PDK1: variants seen among roughly 807,000 people sequenced by gnomAD.
PDK1 encodes the protein pyruvate dehydrogenase kinase 1, also known as [Pyruvate dehydrogenase (acetyl-transferring)] kinase isozyme 1, mitochondrial.
Under a neutral mutation model 54.2 loss-of-function variants are expected in PDK1, and 39 were observed. The ratio of observed to expected loss-of-function variants is 0.72; its 90% CI spans 0.56 to 0.94. The LOEUF is 0.94. Among genes scored for constraint, PDK1 ranks in the 40% least tolerant of loss-of-function variants. The pLI, the probability that PDK1 is intolerant of heterozygous loss-of-function variation, is 0.00. For synonymous variants in PDK1, 221 were observed against 207.1 expected (o/e 1.07, Z -0.58); for missense variants, 552 against 566.0 (o/e 0.98, Z 0.25).
At position 172,556,157 on chromosome 2, in the gene PDK1, C is replaced by A; in HGVS notation, c.7C>A (p.Leu3Met). 7.1e-7 allele frequency: 1 copy of A among 1,414,180 alleles called. No homozygotes were observed. Among genetic ancestry groups the A allele is most frequent in the South Asian group, 1.5e-5 (1 of 67,302 alleles). 87.6% of individuals were successfully genotyped at this position (1,414,180 alleles called of 1,614,324 possible). The change falls in exon 1 of 11, where the codon CTG becomes ATG. Residue 3 changes from leucine (L) to methionine (M), a missense_variant. Coordinates refer to ENST00000282077, the MANE Select transcript of PDK1 (RefSeq NM_002610.5). ...TTCTCTAGCGGGACTCGGCATGAGG[C>A]TGGCGCGGCTGCTTCGCGGAGCCGC... Reference protein sequence around the residue: MRLARLLRGAALA... With the variant: MRMARLLRGAALA...
the PDK1 span, among the ~76,000 whole-genome samples, chr2:172,642,811 T>C: frequency 0.083 from 5,526 of 66,536 alleles, 199 homozygotes; most frequent in African/African-American, 0.17. Context: ...TCCTCCTCCT[T>C]CTTCTTCTCT....
the PDK1 span, among the ~76,000 whole-genome samples, chr2:172,708,221 A>G: frequency 1.3e-5 from 2 of 152,006 alleles, no homozygotes; most frequent in Admixed American, 6.6e-5. Context: ...CCTGGGTGGT[A>G]GAGGCTGCAA....
chr2:172,568,776 G>C lies in PDK1; in HGVS notation c.805G>C (p.Val269Leu). ...AGGACAGCCAATACAAGTGGTTTAT[G>C]TACCATCCCATCTCTATCACATGGT... ...SPGQPIQVVYVPSHLYHMVFE... is the reference protein window; with the variant it reads ...SPGQPIQVVYLPSHLYHMVFE... Residue 269 changes from valine (V) to leucine (L), a missense_variant, in exon 7 of 11, where the codon GTA becomes CTA. Val to Leu is a conservative substitution (Grantham distance 32, BLOSUM62 1). Transcript: ENST00000282077. 1.2e-6 allele frequency: 2 copies of C among 1,610,226 alleles called. No individual in the cohort carries two copies. Among genetic ancestry groups the C allele is most frequent in the Non-Finnish European group, 1.7e-6 (2 of 1,176,474 alleles).
the PDK1 span, among the ~76,000 whole-genome samples, chr2:172,643,511 C>T: frequency 1.3e-5 from 2 of 152,190 alleles, no homozygotes; most frequent in African/African-American, 2.4e-5. Flanking sequence ...CCTGGAATCT[C>T]CTGCCCAAAT....
chr2:172,657,554 C>T, the PDK1 span, among the ~76,000 whole-genome samples: 1 of 151,750 alleles, frequency 6.6e-6, no homozygotes, highest in African/African-American at 2.4e-5. Context: ...AGATTTCTTC[C>T]AATTACTGAA....
rs1199133182 is a variant in PDK1, at chr2:172,568,804, T to C, written c.833T>C (p.Phe278Ser). 1.3e-6 allele frequency: 2 copies of C among 1,595,954 alleles called. No homozygotes were observed. Residue 278 changes from phenylalanine (F) to serine (S), a missense_variant, in exon 7 of 11, where the codon TTT (phenylalanine) becomes TCT (serine). Transcript: ENST00000282077. ...YVPSHLYHMV[F>S]ELFKNAMRAT... Reference sequence around the variant, plus strand: ...CCATCCCATCTCTATCACATGGTGTTTGAACTTTTCAAGGTTTGTAAAATA... The same window carrying C: ...CCATCCCATCTCTATCACATGGTGTCTGAACTTTTCAAGGTTTGTAAAATA...
chr2:172,573,398 G>C (rs1401662859), intron 8 of PDK1, among the ~76,000 whole-genome samples: 1 of 151,930 alleles, frequency 6.6e-6, no homozygotes, highest in African/African-American at 2.4e-5. Flanking sequence ...AAGAAATGTA[G>C]ATTAAGATCC....
chr2:172,598,186 CTAAG>C lies in PDK1; in HGVS notation c.*2220_*2223del, dbSNP rs1690987675. On this transcript the variant is annotated 3_prime_UTR_variant, in exon 11 of 11. Coordinates refer to ENST00000282077, the MANE Select transcript of PDK1 (RefSeq NM_002610.5). ...TGAAATGTTTTAGAATCCTTTGAAT[CTAAG>C]TATTTGTTTCCTAAATGAAACATTT... 6.6e-6 allele frequency: 1 copy of C among 152,112 alleles called. No homozygotes were observed. The allele number at this position is 152,112 out of a possible 1,614,324, so 9.4% of individuals were successfully genotyped here.
rs1038550844 is a variant in PDK1 at position 172,586,357 on chromosome 2, C to T, written c.1025C>T (p.Pro342Leu). The T allele has an allele frequency of 6.2e-6, 10 of 1,611,850 alleles. No homozygotes were observed. The highest frequency in any genetic ancestry group is 8.5e-6 in the Non-Finnish European group (10 of 1,178,284). ...FNYMYSTAPR[P>L]RVETSRAVPL... Reference sequence around the variant, plus strand: ...TACATGTATTCAACTGCACCAAGACCTCGTGTTGAGACCTCCCGCGCAGTG... The same window carrying T: ...TACATGTATTCAACTGCACCAAGACTTCGTGTTGAGACCTCCCGCGCAGTG... Residue 342 changes from proline (P) to leucine (L), a missense_variant, in exon 9 of 11, where the codon CCT (proline) becomes CTT (leucine). Coordinates refer to ENST00000282077, the MANE Select transcript of PDK1 (RefSeq NM_002610.5).
At chr2:172,620,646 TTATGAA>T in the PDK1 span, among the ~76,000 whole-genome samples, 1 of 152,186 alleles carries the variant, frequency 6.6e-6, no homozygotes, top group East Asian at 1.9e-4. Flanking sequence ...GCTGGATTTC[TTATGAA>T]TAGTGTAACA....
the PDK1 span, among the ~76,000 whole-genome samples, chr2:172,642,459 TAAC>T: frequency 1.3e-5 from 2 of 152,166 alleles, no homozygotes; most frequent in Non-Finnish European, 2.9e-5. Flanking sequence ...GTCCCCAGAC[TAAC>T]AACATCGGCA....
At chr2:172,660,245 C>CTTTTTTTTTTTTTTTTT in the PDK1 span, among the ~76,000 whole-genome samples, 26 of 55,660 alleles carry the variant, frequency 4.7e-4, 7 homozygotes, top group Non-Finnish European at 7.6e-4. Flanking sequence ...CTCTCTCTCT[C>CTTTTTTTTTTTTTTTTT]TCTTTTTTTT....
the PDK1 span, among the ~76,000 whole-genome samples, chr2:172,709,220 C>T: frequency 6.6e-6 from 1 of 152,200 alleles, no homozygotes; most frequent in Non-Finnish European, 1.5e-5. Context: ...GAGTCCTAGC[C>T]TCTCGTCTTG....
chr2:172,639,135 G>C, the PDK1 span, among the ~76,000 whole-genome samples: 1 of 152,172 alleles, frequency 6.6e-6, no homozygotes, highest in South Asian at 2.1e-4. Context: ...CAAAATGTGA[G>C]GCCTTTTGCT....
At chr2:172,657,071 G>C in the PDK1 span, among the ~76,000 whole-genome samples, 14 of 152,184 alleles carry the variant, frequency 9.2e-5, no homozygotes, top group African/African-American at 2.9e-4. Flanking sequence ...TTCTGTTCTT[G>C]GTAAGTTGTG....
chr2:172,612,911 C>T (rs563773085), downstream of PDK1, among the ~76,000 whole-genome samples: 37 of 152,152 alleles, frequency 2.4e-4, no homozygotes, highest in Non-Finnish European at 3.8e-4. Context: ...CCGCCCACCT[C>T]GGCCTCCCAA....
chr2:172,649,424 T>C, the PDK1 span, among the ~76,000 whole-genome samples: 24 of 152,186 alleles, frequency 1.6e-4, 1 homozygote, highest in African/African-American at 5.8e-4. Context: ...AGAGTGCCTC[T>C]TCTCCTCCAA....
At chr2:172,632,736 C>T in the PDK1 span, among the ~76,000 whole-genome samples, 1 of 151,776 alleles carries the variant, frequency 6.6e-6, no homozygotes, top group Admixed American at 6.6e-5. Context: ...AATCCCAGTA[C>T]TTTGGGAGGC....
At chr2:172,640,241 G>A in the PDK1 span, among the ~76,000 whole-genome samples, 48 of 152,272 alleles carry the variant, frequency 3.2e-4, no homozygotes, top group African/African-American at 1.1e-3. Context: ...ATTTTAGTAC[G>A]GTTAAGTTAT....
Sources: allele counts gnomAD v4.1 joint callset (sites outside exome capture counted in the v4.1 genomes callset), GRCh38; gene constraint gnomAD v4.1.1; transcripts MANE v1.5; gene names NCBI Gene and HGNC (gene_info 2026-07-23, HGNC 2026-07-21).